Variants in PPL observed in about 807,000 individuals in gnomAD.
The protein encoded by PPL is periplakin.
In PPL, 198 loss-of-function variants were observed where a neutral mutation model predicts 194.4. That is an observed-to-expected ratio of 1.02 (90% CI 0.91 to 1.15). The LOEUF is 1.15. Ranked by LOEUF, PPL falls within the 50% of genes most tolerant of loss-of-function variation. The pLI, the probability that PPL is intolerant of heterozygous loss-of-function variation, is 0.00. For synonymous variants in PPL, 1,220 were observed against 972.4 expected (o/e 1.25, Z -4.74); for missense variants, 2,885 against 2,294.8 (o/e 1.26, Z -5.25).
intron 14 of PPL, among the ~76,000 whole-genome samples, chr16:4,892,529 T>G (rs777758831): frequency 2.0e-5 from 3 of 151,918 alleles, no homozygotes; most frequent in Non-Finnish European, 1.5e-5. Context: ...GGGAGGTGAG[T>G]ACTACGACTC....
intron 20 of PPL, among the ~76,000 whole-genome samples, chr16:4,887,862 C>T (rs148424457): frequency 6.6e-6 from 1 of 152,188 alleles, no homozygotes; most frequent in African/African-American, 2.4e-5. Flanking sequence ...TCCCAAAGTG[C>T]TAGGATTACA....
chr16:4,889,253 T>TG (rs1567992937), intron 18 of PPL, among the ~76,000 whole-genome samples, 192 bp from the exon 19 acceptor site: 3 of 117,552 alleles, frequency 2.6e-5, no homozygotes, highest in African/African-American at 3.6e-5. Context: ...TTTTTTTTTT[T>TG]TTTTTTTTTT....
chr16:4,906,665 A>T (rs931697165), intron 2 of PPL, among the ~76,000 whole-genome samples: 1 of 152,228 alleles, frequency 6.6e-6, no homozygotes, highest in African/African-American at 2.4e-5. Flanking sequence ...AGTTCTCTCA[A>T]AACACTGGCT....
At chr16:4,888,706 T>C in intron 19 of PPL, 1 of 460,240 alleles carries the variant, frequency 2.2e-6, no homozygotes. Flanking sequence ...ATGTTGTTTA[T>C]CCTGCATTTT....
chr16:4,931,335 A>G (rs545374222), intron 1 of PPL, among the ~76,000 whole-genome samples: 5 of 152,266 alleles, frequency 3.3e-5, no homozygotes, highest in East Asian at 1.9e-4. Flanking sequence ...CTGCACTCCA[A>G]TCTGGGTGAT....
chr16:4,887,300 C>A lies in PPL; in HGVS notation c.2515-73G>T. 9 of 1,113,788 alleles carry A rather than the reference C, an allele frequency of 8.1e-6. 1 individual carries two copies. In the South Asian group the frequency reaches 1.1e-4, roughly 14 times the overall value. 69.0% of individuals were successfully genotyped at this position (1,113,788 alleles called of 1,614,324 possible). A position where few individuals can be genotyped will look rare whatever the true frequency, so the allele number is the denominator to read the frequency against. On this transcript the variant is annotated intron_variant, in intron 20 of 21. Transcript: ENST00000345988. ...GGGTAAGCAACAGAGAGCTAGACAG[C>A]GTGGACGTGGTTCTTGAGAAGTGTG...
At chr16:4,935,600 G>T (rs1044946730) in intron 1 of PPL, among the ~76,000 whole-genome samples, 10 of 152,178 alleles carry the variant, frequency 6.6e-5, no homozygotes, top group African/African-American at 2.4e-4. Context: ...AATCTCTAAA[G>T]GCGGGTAATG....
chr16:4,906,476 C>T (rs1049287622), intron 2 of PPL, among the ~76,000 whole-genome samples: 1 of 152,150 alleles, frequency 6.6e-6, no homozygotes, highest in Non-Finnish European at 1.5e-5. Flanking sequence ...CCACCCGCCT[C>T]GGCCTCCCAA....
At chr16:4,894,407 G>A (rs1213382301) in intron 12 of PPL, 60 bp downstream of exon 12, 4 of 1,586,444 alleles carry the variant, frequency 2.5e-6, no homozygotes, top group Non-Finnish European at 3.4e-6. Flanking sequence ...CTATGAATGG[G>A]GCCTGAGAAG....
intron 8 of PPL, among the ~76,000 whole-genome samples, chr16:4,898,500 ATATCCT>A (rs2088478244): frequency 6.6e-6 from 1 of 152,158 alleles, no homozygotes; most frequent in South Asian, 2.1e-4. Context: ...CCACTGACTG[ATATCCT>A]TATAAGAAGA....
rs375510440 is a variant in PPL at position 4,895,413 on chromosome 16, G to A, written c.1096-6C>T. The A allele has an allele frequency of 3.1e-6, 5 of 1,612,712 alleles. No homozygotes were observed. The highest frequency in any genetic ancestry group is 4.2e-6 in the Non-Finnish European group (5 of 1,179,688). ...TCCAGCACCTTCTCCTGGTCCTGGAGAGAACGGGGTCAGGGGCCCAGGTGA... is the reference window on the plus strand; with the variant it reads ...TCCAGCACCTTCTCCTGGTCCTGGAAAGAACGGGGTCAGGGGCCCAGGTGA... On this transcript the variant is annotated splice_region_variant and splice_polypyrimidine_tract_variant and intron_variant, in intron 10 of 21. Coordinates refer to ENST00000345988, the MANE Select transcript of PPL (RefSeq NM_002705.5).
intron 1 of PPL, among the ~76,000 whole-genome samples, chr16:4,925,817 C>G (rs1053935541): frequency 6.6e-6 from 1 of 152,166 alleles, no homozygotes; most frequent in African/African-American, 2.4e-5. Flanking sequence ...CAGTATCAAT[C>G]CACACCCACC....
At chr16:4,925,207 G>T (rs775010327) in intron 1 of PPL, among the ~76,000 whole-genome samples, 1 of 151,804 alleles carries the variant, frequency 6.6e-6, no homozygotes, top group South Asian at 2.1e-4. Context: ...CTGCCACCAC[G>T]GTCATCCTCT....
intron 1 of PPL, among the ~76,000 whole-genome samples, chr16:4,934,241 T>C (rs1215173523): frequency 2.0e-5 from 3 of 151,586 alleles, no homozygotes; most frequent in African/African-American, 7.3e-5. Context: ...GTTCACACCC[T>C]GTCCCGGCCC....
rs376288415 is a variant in PPL at position 4,894,456 on chromosome 16, T to C, written c.1394+11A>G. ...ACTGGTCCATGCAGACTCCCGCCTT[T>C]GCCCTTGTACCTGTCAGCCAGAGCC... On this transcript the variant is annotated intron_variant, in intron 12 of 21. Coordinates refer to ENST00000345988, the MANE Select transcript of PPL (RefSeq NM_002705.5). 2 of 1,613,560 alleles carry C rather than the reference T, an allele frequency of 1.2e-6. No homozygotes were observed. Among genetic ancestry groups the C allele is most frequent in the Non-Finnish European group, 1.7e-6 (2 of 1,179,856 alleles).
At chr16:4,890,969 G>A in intron 16 of PPL, 48 bp from the exon 17 acceptor site, 1 of 1,455,450 alleles carries the variant, frequency 6.9e-7, no homozygotes, top group Middle Eastern at 2.5e-4. Flanking sequence ...AGAGCTCCCA[G>A]AGCCAGGCGA....
intron 1 of PPL, among the ~76,000 whole-genome samples, chr16:4,920,345 G>GAGAAAGAAAGAAAGAAAGAAAGAAAGAA (rs1049654889): frequency 0.029 from 721 of 25,106 alleles, 54 homozygotes; most frequent in East Asian, 0.2. Context: ...GAGAGAGAGA[G>GAGAAAGAAAGAAAGAAAGAAAGAAAGAA]AGAAAGAAAG....
At chr16:4,894,799 A>G (rs1453991061) in intron 11 of PPL, among the ~76,000 whole-genome samples, 181 bp from the exon 12 acceptor site, 2 of 152,078 alleles carry the variant, frequency 1.3e-5, no homozygotes, top group Non-Finnish European at 2.9e-5. Context: ...CGGCCCAGCA[A>G]CCCACCTCCA....
In PPL at chr16:4,895,669, G is replaced by A; in HGVS notation, c.1020C>T (p.Asp340=). The change falls in exon 10 of 22, where the codon GAC becomes GAT. Residue 340 remains aspartate (D), a synonymous_variant. Transcript: ENST00000345988. ...GGCCATACTTCTGGTTCAGGTCCGA[G>A]TCCACCTTGCGCAGCAGCTCCTGAG... The part of the protein sequence containing the change: ...KDAQELLRKV[D]SDLNQKYGPD... 6.2e-7 allele frequency: 1 copy of A among 1,614,028 alleles called. No homozygotes were observed. Among genetic ancestry groups the A allele is most frequent in the Non-Finnish European group, 8.5e-7 (1 of 1,180,012 alleles).
Sources: gnomAD v4.1 joint callset for allele counts (sites outside exome capture counted in the v4.1 genomes callset) on GRCh38, gnomAD v4.1.1 for gene constraint, MANE v1.5 for transcripts, NCBI Gene and HGNC (gene_info 2026-07-23, HGNC 2026-07-21) for gene names.